The following SLC2A14 variants were observed in gnomAD, a reference collection of about 807,000 sequenced individuals.
The protein encoded by SLC2A14 is solute carrier family 2, facilitated glucose transporter member 14.
Under a neutral mutation model 43.0 loss-of-function variants are expected in SLC2A14, and 13 were observed. That is an observed-to-expected ratio of 0.30 (90% CI 0.20 to 0.48). SLC2A14 has a LOEUF of 0.48. Among genes scored for constraint, SLC2A14 ranks in the 20% least tolerant of loss-of-function variants. SLC2A14 has a pLI of 0.99. For missense variants in SLC2A14, 428 were observed against 620.4 expected (o/e 0.69, Z 3.29); for synonymous variants, 190 against 233.8 (o/e 0.81, Z 1.71).
chr12:7,879,131 A>T (rs1214755345), intron 1 of SLC2A14, among the ~76,000 whole-genome samples: 1 of 151,740 alleles, frequency 6.6e-6, no homozygotes, highest in East Asian at 1.9e-4. Context: ...AGCTGCTTAC[A>T]TAGGAAAACT....
chr12:7,826,834 T>TTTCTTTCCTTCCTTCCTTCC (rs138356665), intron 7 of SLC2A14, among the ~76,000 whole-genome samples: 1 of 29,570 alleles, frequency 3.4e-5, no homozygotes, highest in Non-Finnish European at 7.1e-5. Context: ...TCTTTCTTTC[T>TTTCTTTCCTTCCTTCCTTCC]TTCCTTCCTT....
In SLC2A14 at chr12:7,817,062, A is replaced by C. The variant is rs960593344; in HGVS notation, c.1275+769T>G. 3.9e-5 allele frequency among the ~76,000 whole-genome samples: 6 copies of C among 152,216 alleles called. No individual in the cohort carries two copies. The Middle Eastern group carries it at 0.014, about 345-fold the overall frequency. On this transcript the variant is annotated intron_variant, in intron 10 of 10. Coordinates refer to ENST00000431042, the MANE Select transcript of SLC2A14 (RefSeq NM_001286234.2). ...CTGGAATTTTCCATTTAATATTTTT[A>C]GACTGCAGGTAACTGAAACTGCAGA...
At chr12:7,875,398 C>T (rs1369979555), upstream of SLC2A14, among the ~76,000 whole-genome samples, 4 of 150,338 alleles carry the variant, frequency 2.7e-5, no homozygotes, top group African/African-American at 9.8e-5. Context: ...ATTCCAGCTA[C>T]TTGGGAGAAT....
chr12:7,889,390 C>G (rs1945740262), intron 1 of SLC2A14, among the ~76,000 whole-genome samples: 1 of 151,804 alleles, frequency 6.6e-6, no homozygotes, highest in Non-Finnish European at 1.5e-5. Flanking sequence ...CATGCACCAT[C>G]ACGCCCGGCT....
At chr12:7,826,886 T>C (rs1169922331) in intron 7 of SLC2A14, among the ~76,000 whole-genome samples, 1,035 of 53,192 alleles carry the variant, frequency 0.019, 377 homozygotes, top group Middle Eastern at 0.037. Context: ...TCTTTCTTTC[T>C]TTCTTTCTTT....
At chr12:7,831,437 C>T (rs1865015216) in intron 4 of SLC2A14, 167 bp downstream of exon 4, 2 of 1,002,316 alleles carry the variant, frequency 2.0e-6, no homozygotes, top group Non-Finnish European at 2.9e-6. Context: ...GGTAGTAGAG[C>T]TCCAAGCAAG....
rs191812121 is a variant in SLC2A14 at position 7,866,406 on chromosome 12, G to A, written c.18+3457C>T. On this transcript the variant is annotated intron_variant, in intron 2 of 10. Coordinates refer to ENST00000431042, the MANE Select transcript of SLC2A14 (RefSeq NM_001286234.2). ...GATGGAGTCTTGCTCTGTCGCCTAG[G>A]CTGGAGTGAGTGCAGTGGCATGATC... Among the ~76,000 whole-genome samples, 488 of 151,844 alleles carry A rather than the reference G, an allele frequency of 3.2e-3. 2 individuals carry two copies. Among genetic ancestry groups the A allele is most frequent in the African/African-American group, 0.011 (472 of 41,430 alleles).
chr12:7,875,024 T>A (rs1459034726), upstream of SLC2A14, among the ~76,000 whole-genome samples: 2 of 111,106 alleles, frequency 1.8e-5, no homozygotes, highest in Admixed American at 1.1e-4. Flanking sequence ...AAATTATATA[T>A]AAATACATAT....
chr12:7,849,026 G>A (rs761295308), intron 2 of SLC2A14, among the ~76,000 whole-genome samples: 7 of 151,792 alleles, frequency 4.6e-5, no homozygotes, highest in African/African-American at 1.7e-4. Context: ...GCTAATTTTT[G>A]TATTTTTAGT....
chr12:7,838,422 G>C (rs983319991), intron 2 of SLC2A14, among the ~76,000 whole-genome samples: 17 of 152,076 alleles, frequency 1.1e-4, no homozygotes, highest in African/African-American at 3.1e-4. Context: ...TGCCTTACTA[G>C]AATTTTGAAC....
At chr12:7,866,215 ACT>A (rs1264198775) in intron 2 of SLC2A14, among the ~76,000 whole-genome samples, 11 of 125,822 alleles carry the variant, frequency 8.7e-5, no homozygotes, top group African/African-American at 2.7e-4. Flanking sequence ...ACAGACCAAG[ACT>A]CTGTCTCAAA....
intron 2 of SLC2A14, among the ~76,000 whole-genome samples, chr12:7,833,047 A>G (rs1865163573): frequency 6.6e-6 from 1 of 152,156 alleles, no homozygotes; most frequent in African/African-American, 2.4e-5. Context: ...TGGAAAAGAA[A>G]ATTGGAGAAG....
chr12:7,863,400 A>G (rs988762090), intron 2 of SLC2A14: 2 of 453,386 alleles, frequency 4.4e-6, no homozygotes, highest in Non-Finnish European at 8.8e-6. Flanking sequence ...TCTTGAAGTC[A>G]GTGAGACCAA....
chr12:7,871,010 G>C (rs1369295529), intron 1 of SLC2A14: 1 of 1,436,874 alleles, frequency 7.0e-7, no homozygotes, highest in African/African-American at 1.4e-5. Context: ...CAATGACAAG[G>C]GGGACAGCAC....
At chr12:7,880,379 G>T (rs1480896729) in intron 1 of SLC2A14, among the ~76,000 whole-genome samples, 1 of 151,260 alleles carries the variant, frequency 6.6e-6, no homozygotes. Context: ...CAAAGCTGAG[G>T]CAGGAGAATC....
Position 7,866,991 on chromosome 12 carries a change from G to T in SLC2A14, c.18+2872C>A, listed in dbSNP as rs1944947295. On this transcript the variant is annotated intron_variant, in intron 2 of 10. Coordinates refer to ENST00000431042, the MANE Select transcript of SLC2A14 (RefSeq NM_001286234.2). ...AGTTTCACTTTTGTCGCCCATGCTG[G>T]AGTGCAATTGCTCAATCTCGGCTCA... Among the ~76,000 whole-genome samples, 2 of 151,728 alleles carry T rather than the reference G, an allele frequency of 1.3e-5. 1 individual carries two copies. Among genetic ancestry groups the T allele is most frequent in the Middle Eastern group, 6.8e-3 (2 of 294 alleles).
intron 2 of SLC2A14, chr12:7,860,473 C>G (rs1455588846): frequency 6.6e-6 from 1 of 152,060 alleles, no homozygotes; most frequent in African/African-American, 2.4e-5. Context: ...ACTCTTGGAA[C>G]CAGAGGTGAT....
chr12:7,871,872 C>T, intron 1 of SLC2A14: 3 of 983,956 alleles, frequency 3.0e-6, no homozygotes, highest in South Asian at 9.4e-5. Flanking sequence ...CGCACACCCA[C>T]CCAGAGCAGC....
At position 7,857,532 on chromosome 12, in the gene SLC2A14, G is replaced by A. The variant is rs144521538; in HGVS notation, c.18+12331C>T. On this transcript the variant is annotated intron_variant, in intron 2 of 10. Coordinates refer to ENST00000431042, the MANE Select transcript of SLC2A14 (RefSeq NM_001286234.2). ...GAAGCTGGGAGGTAAAGGTTGCAGC[G>A]AGCCAAGATCGCGCCATTGCACTCC... Among the ~76,000 whole-genome samples, 172 of 152,222 alleles carry A rather than the reference G, an allele frequency of 1.1e-3. 4 individuals carry two copies. The East Asian group carries it at 0.029, about 25-fold the overall frequency.
Sources: allele counts gnomAD v4.1 joint callset (sites outside exome capture counted in the v4.1 genomes callset), GRCh38; gene constraint gnomAD v4.1.1; transcripts MANE v1.5; gene names NCBI Gene and HGNC (gene_info 2026-07-23, HGNC 2026-07-21).